Variants in DUS2 observed in about 807,000 individuals in gnomAD.
DUS2 encodes the protein dihydrouridine synthase 2.
In DUS2, 52 loss-of-function variants were observed where a neutral mutation model predicts 71.3. That is an observed-to-expected ratio of 0.73 (90% CI 0.58 to 0.92). DUS2 has a LOEUF of 0.92. Ranked by LOEUF, DUS2 falls within the 40% of genes least tolerant of loss-of-function variation. DUS2 has a pLI of 0.00. For synonymous variants in DUS2, 204 were observed against 227.8 expected (o/e 0.90, Z 0.94); for missense variants, 558 against 622.6 (o/e 0.90, Z 1.10).
intron 1 of DUS2, chr16:68,024,057 A>T (rs1254282963): frequency 6.3e-6 from 1 of 159,404 alleles, no homozygotes; most frequent in Non-Finnish European, 1.5e-5. Context: ...ACCTGAATTC[A>T]GATATTCGGG....
chr16:68,069,757 C>T (rs1364750594), intron 10 of DUS2, among the ~76,000 whole-genome samples: 1 of 152,200 alleles, frequency 6.6e-6, no homozygotes, highest in Admixed American at 6.5e-5. Context: ...TTGGAGAGGG[C>T]AGGACTGGGA....
intron 1 of DUS2, 28 bp downstream of exon 1, chr16:68,023,379 A>C: frequency 1.3e-6 from 1 of 769,286 alleles, no homozygotes; most frequent in Non-Finnish European, 2.0e-6. Flanking sequence ...GGGGATGGCG[A>C]CATCCAGACC....
chr16:68,032,942 G>A (rs1440585910), intron 2 of DUS2, among the ~76,000 whole-genome samples: 1 of 149,306 alleles, frequency 6.7e-6, no homozygotes, highest in East Asian at 2.0e-4. Flanking sequence ...GGGAATGCCA[G>A]GGTGGCCAGG....
chr16:68,049,332 C>T (rs1373424131), intron 3 of DUS2, among the ~76,000 whole-genome samples, 173 bp from the exon 4 acceptor site: 1 of 152,160 alleles, frequency 6.6e-6, no homozygotes, highest in East Asian at 1.9e-4. Flanking sequence ...CACTCTGGCT[C>T]CTGCTTGCCA....
intron 3 of DUS2, among the ~76,000 whole-genome samples, chr16:68,040,313 C>T (rs1273762475): frequency 6.6e-6 from 1 of 152,036 alleles, no homozygotes; most frequent in Non-Finnish European, 1.5e-5. Flanking sequence ...GAACCCTTGA[C>T]CTCAGGTAAT....
intron 4 of DUS2, among the ~76,000 whole-genome samples, chr16:68,052,567 A>G (rs1277815989): frequency 6.6e-6 from 1 of 152,012 alleles, no homozygotes; most frequent in East Asian, 1.9e-4. Context: ...TAAATAGTAA[A>G]TTTGCTGAAC....
chr16:68,050,840 C>T (rs2033768924), intron 4 of DUS2, among the ~76,000 whole-genome samples: 1 of 152,154 alleles, frequency 6.6e-6, no homozygotes, highest in South Asian at 2.1e-4. Flanking sequence ...CAGGGGTTCC[C>T]AGTATTTTGC....
At chr16:68,030,907 A>T (rs1020916364) in intron 2 of DUS2, among the ~76,000 whole-genome samples, 7 of 151,898 alleles carry the variant, frequency 4.6e-5, no homozygotes, top group Non-Finnish European at 8.8e-5. Flanking sequence ...CTAGTTAAAA[A>T]ATATATATAT....
chr16:68,036,660 G>A (rs533582139), intron 2 of DUS2, among the ~76,000 whole-genome samples: 33 of 152,210 alleles, frequency 2.2e-4, no homozygotes, highest in Middle Eastern at 6.8e-3. Context: ...GGCTGGTCTC[G>A]AACTCCTGAC....
intron 12 of DUS2, among the ~76,000 whole-genome samples, chr16:68,073,449 C>CTTT (rs1213508148): frequency 2.7e-5 from 3 of 111,848 alleles, no homozygotes; most frequent in African/African-American, 9.9e-5. Context: ...TTTTCTTTTT[C>CTTT]TTTTTTTTTT....
chr16:68,047,734 C>T (rs1216656528), intron 3 of DUS2, among the ~76,000 whole-genome samples: 2 of 150,990 alleles, frequency 1.3e-5, no homozygotes, highest in Non-Finnish European at 2.9e-5. Context: ...CTGCCTGACT[C>T]GGCCTCCCAG....
At chr16:68,048,966 T>A (rs1598306926) in intron 3 of DUS2, among the ~76,000 whole-genome samples, 1 of 152,144 alleles carries the variant, frequency 6.6e-6, no homozygotes, top group East Asian at 1.9e-4. Flanking sequence ...TGTTTGAGTA[T>A]CTCCAGAGTT....
chr16:68,061,873 C>G (rs540833935), intron 8 of DUS2, among the ~76,000 whole-genome samples: 8 of 152,310 alleles, frequency 5.3e-5, no homozygotes, highest in Admixed American at 2.0e-4. Flanking sequence ...GGTTGCTGTG[C>G]CAGCAGCCCA....
intron 1 of DUS2, 112 bp downstream of exon 1, chr16:68,023,463 T>A (rs2033291472): frequency 1.9e-6 from 1 of 531,104 alleles, no homozygotes; most frequent in African/African-American, 2.0e-5. Flanking sequence ...AGTGGGGCCT[T>A]GACCCAATGG....
rs1448062042 is a variant in DUS2 at position 68,066,269 on chromosome 16, TG to T, written c.418-46del. On this transcript the variant is annotated intron_variant, in intron 8 of 16. Coordinates refer to ENST00000565263, the MANE Select transcript of DUS2 (RefSeq NM_017803.5). ...GAGTTAATTAGTACAGGCAGAGTGA[TG>T]GTTTGTTCCAGAAGACATAGGTGCT... is the stretch of plus-strand genomic sequence containing the variant. 4 of 1,562,792 alleles carry T rather than the reference TG, an allele frequency of 2.6e-6. No individual in the cohort carries two copies. In the South Asian group the frequency reaches 4.4e-5, roughly 17 times the overall value.
At chr16:68,074,507 C>A (rs1220945059) in intron 13 of DUS2, among the ~76,000 whole-genome samples, 1 of 152,346 alleles carries the variant, frequency 6.6e-6, no homozygotes, top group African/African-American at 2.4e-5. Flanking sequence ...CCTGCACTCA[C>A]ATCCATCACC....
At chr16:68,049,662 C>T (rs2033752335) in intron 4 of DUS2, 112 bp downstream of exon 4, 2 of 961,960 alleles carry the variant, frequency 2.1e-6, no homozygotes, top group Non-Finnish European at 1.7e-6. Context: ...TTGAGTAATT[C>T]TATAGATCAC....
At chr16:68,078,630 G>T in intron 16 of DUS2, 112 bp downstream of exon 16, 1 of 1,489,942 alleles carries the variant, frequency 6.7e-7, no homozygotes, top group Non-Finnish European at 9.3e-7. Flanking sequence ...TATGTGGGCA[G>T]TGGCATCCCT....
chr16:68,028,111 G>T (rs556646330), intron 2 of DUS2, among the ~76,000 whole-genome samples: 1 of 152,092 alleles, frequency 6.6e-6, no homozygotes, highest in South Asian at 2.1e-4. Context: ...ATATCTTTGC[G>T]TTTGGAAAGA....
Sources: allele counts gnomAD v4.1 joint callset (sites outside exome capture counted in the v4.1 genomes callset), GRCh38; gene constraint gnomAD v4.1.1; transcripts MANE v1.5; gene names NCBI Gene and HGNC (gene_info 2026-07-23, HGNC 2026-07-21).